Variants in SETD5 observed in about 807,000 individuals in gnomAD.
SETD5 encodes histone-lysine N-methyltransferase SETD5.
A neutral mutation model predicts 153.3 loss-of-function variants in SETD5; 44 were observed. The ratio of observed to expected loss-of-function variants is 0.29; its 90% confidence interval spans 0.23 to 0.37. The LOEUF (loss-of-function observed/expected upper bound fraction) is 0.37. Ranked by LOEUF, SETD5 falls within the 10% of genes least tolerant of loss-of-function variation. SETD5 has a pLI of 1.00. For missense variants in SETD5, 1,544 were observed against 1,768.0 expected (o/e 0.87, Z 2.27); for synonymous variants, 716 against 645.2 (o/e 1.11, Z -1.66).
intron 1 of SETD5, among the ~76,000 whole-genome samples, chr3:9,406,432 G>C (rs113753666): frequency 6.7e-6 from 1 of 150,148 alleles, no homozygotes; most frequent in African/African-American, 2.5e-5. Flanking sequence ...AAATATATTC[G>C]GTGGAATGCC....
chr3:9,449,929 C>T (rs1046526766), intron 16 of SETD5, among the ~76,000 whole-genome samples: 2 of 152,174 alleles, frequency 1.3e-5, no homozygotes, highest in African/African-American at 4.8e-5. Flanking sequence ...CGTACAATCT[C>T]CTATTTTGGT....
chr3:9,436,266 G>A (rs2040557739), intron 7 of SETD5, among the ~76,000 whole-genome samples: 1 of 152,014 alleles, frequency 6.6e-6, no homozygotes, highest in African/African-American at 2.4e-5. Flanking sequence ...TTCTTGTCCT[G>A]GTTACATGCC....
chr3:9,464,274 T>C, intron 17 of SETD5, 151 bp from the exon 18 acceptor site: 1 of 991,082 alleles, frequency 1.0e-6, no homozygotes. Context: ...AAGAGTTTCT[T>C]TGGGATTTTG....
chr3:9,474,938 A>T (rs2045703225), intron 21 of SETD5, 130 bp from the exon 22 acceptor site: 2 of 791,854 alleles, frequency 2.5e-6, no homozygotes, highest in Non-Finnish European at 2.0e-6. Flanking sequence ...GGCATGCTGC[A>T]CTCACCCAAT....
chr3:9,457,907 A>T (rs934470479), intron 17 of SETD5, among the ~76,000 whole-genome samples: 3 of 151,924 alleles, frequency 2.0e-5, no homozygotes, highest in African/African-American at 7.2e-5. Context: ...ATGATTCTGA[A>T]GTCTACCTTT....
At chr3:9,406,807 T>A (rs2035777812) in intron 1 of SETD5, among the ~76,000 whole-genome samples, 2 of 152,304 alleles carry the variant, frequency 1.3e-5, no homozygotes, top group Admixed American at 1.3e-4. Flanking sequence ...AGCTAAAAAT[T>A]ATAATGTCTG....
At chr3:9,448,905 G>A (rs1575478740) in intron 16 of SETD5, among the ~76,000 whole-genome samples, 1 of 152,198 alleles carries the variant, frequency 6.6e-6, no homozygotes, top group East Asian at 1.9e-4. Flanking sequence ...CTGAGTGAGA[G>A]CACACAGCAG....
chr3:9,409,416 T>C (rs545390986), intron 1 of SETD5, among the ~76,000 whole-genome samples: 1 of 152,328 alleles, frequency 6.6e-6, no homozygotes, highest in East Asian at 1.9e-4. Context: ...TGTGTACTCA[T>C]GGTTTTAAAC....
At position 9,476,493 on chromosome 3, in the gene SETD5, A is replaced by AAAAGTTAAAAGAGCCAATCTC. The variant is rs1299925614; in HGVS notation, c.*407_*427dup. On this transcript the variant is annotated 3_prime_UTR_variant, in exon 23 of 23. Transcript: ENST00000402198. ...AAAAAAAAAAAGTTTTCAAAGGAAA[A>AAAAGTTAAAAGAGCCAATCTC]AAAGTTAAAAGAGCCAATCTCAAAG... The AAAAGTTAAAAGAGCCAATCTC allele has an allele frequency of 6.1e-6, 1 of 163,158 alleles. No homozygotes were observed. Among genetic ancestry groups the AAAAGTTAAAAGAGCCAATCTC allele is most frequent in the African/African-American group, 2.4e-5 (1 of 41,642 alleles). The allele number at this position is 163,158 out of a possible 1,614,324, so 10.1% of individuals were successfully genotyped here.
At chr3:9,430,528 T>A (rs961188008) in intron 3 of SETD5, 5 of 240,792 alleles carry the variant, frequency 2.1e-5, no homozygotes, top group Non-Finnish European at 2.7e-5. Flanking sequence ...TTTCCCCAAA[T>A]AAAGTACTTA....
chr3:9,420,746 G>C (rs966935039), intron 1 of SETD5, among the ~76,000 whole-genome samples: 2 of 151,742 alleles, frequency 1.3e-5, no homozygotes, highest in South Asian at 2.1e-4. Flanking sequence ...ACTTTTCACT[G>C]TATCTCCAAG....
At chr3:9,432,229 A>C in intron 3 of SETD5, 3 of 950,208 alleles carry the variant, frequency 3.2e-6, no homozygotes, top group South Asian at 4.9e-5. Context: ...CCTCACTAAC[A>C]GAGAATACTT....
intron 14 of SETD5, 105 bp from the exon 15 acceptor site, chr3:9,447,581 A>G (rs1043836447): frequency 1.4e-5 from 18 of 1,282,150 alleles, no homozygotes; most frequent in African/African-American, 1.2e-4. Flanking sequence ...TCTAATCCTT[A>G]TATTTTTCAT....
rs1246494084 is a variant in SETD5, at chr3:9,473,455, C to T, written c.3415C>T (p.His1139Tyr). ...CTCCCCATCTCATTCCTCTATGTCC[C>T]ATTTGGAGGCGGTAAGCCCATCAGA... The part of the protein sequence containing the change: ...KFSPSHSSMS[H>Y]LEAVSPSDSR... The change falls in exon 20 of 23, where the codon CAT becomes TAT. Residue 1139 changes from histidine to tyrosine, a missense_variant. Physicochemically the swap from His to Tyr is moderately conservative, Grantham distance 83. This residue lies in a region of SETD5 where 93 missense variants were observed against 93.4 expected (regional missense o/e 1.00). Coordinates refer to ENST00000402198, the MANE Select transcript of SETD5 (RefSeq NM_001080517.3). 1 of 1,613,890 alleles carries T rather than the reference C, an allele frequency of 6.2e-7. No homozygotes were observed. Among genetic ancestry groups the T allele is most frequent in the East Asian group, 2.2e-5 (1 of 44,876 alleles).
intron 1 of SETD5, among the ~76,000 whole-genome samples, chr3:9,412,390 T>G (rs948995416): frequency 3.8e-5 from 5 of 131,998 alleles, no homozygotes; most frequent in South Asian, 2.6e-4. Context: ...GTTTTGGGTT[T>G]TTTTTTTTTT....
intron 3 of SETD5, chr3:9,431,985 T>C (rs6769174): frequency 0.04 from 6,081 of 153,496 alleles, 252 homozygotes; most frequent in Admixed American, 0.097. Context: ...ATAAATTTAT[T>C]ACTTTCTTTT....
intron 17 of SETD5, among the ~76,000 whole-genome samples, chr3:9,457,563 A>G (rs189475732): frequency 8.6e-5 from 13 of 150,864 alleles, no homozygotes; most frequent in Admixed American, 7.9e-4. Flanking sequence ...ATATATAAAA[A>G]GTGTAAATAT....
intron 1 of SETD5, among the ~76,000 whole-genome samples, chr3:9,405,955 T>C (rs1271350605): frequency 6.6e-6 from 1 of 152,240 alleles, no homozygotes; most frequent in Non-Finnish European, 1.5e-5. Context: ...TGAAGTAGGA[T>C]GATCTGCAGT....
intron 22 of SETD5, 77 bp downstream of exon 22, chr3:9,475,233 T>C: frequency 7.3e-7 from 1 of 1,363,878 alleles, no homozygotes; most frequent in Non-Finnish European, 1.0e-6. Flanking sequence ...TCCTTTGCCA[T>C]TGAGATGCTG....
Sources: gnomAD v4.1 joint callset for allele counts (sites outside exome capture counted in the v4.1 genomes callset) on GRCh38, gnomAD v4.1.1 for gene constraint, gnomAD v4.1.1 regional missense constraint, MANE v1.5 for transcripts, NCBI Gene and HGNC (gene_info 2026-07-23, HGNC 2026-07-21) for gene names.